The following TSPAN16 variants were observed in gnomAD, a reference collection of about 807,000 sequenced individuals.
TSPAN16 encodes tetraspanin 16.
In TSPAN16, 23 loss-of-function variants were observed where a neutral mutation model predicts 25.2. That is an observed-to-expected ratio of 0.91 (90% CI 0.66 to 1.29). The LOEUF (loss-of-function observed/expected upper bound fraction) is 1.29. Among genes scored for constraint, TSPAN16 ranks in the 50% most tolerant of loss-of-function variants. TSPAN16 has a pLI of 0.00. For synonymous variants in TSPAN16, 123 were observed against 124.4 expected (o/e 0.99, Z 0.08); for missense variants, 272 against 299.9 (o/e 0.91, Z 0.69).
rs750926392 is a variant in TSPAN16 at position 11,296,278 on chromosome 19, G to A, written c.-20G>A. On this transcript the variant is annotated 5_prime_UTR_variant, in exon 1 of 7. Transcript: ENST00000590327. ...GGAAGATGTTAACTTAAATGTTCAG[G>A]GTGCCCCAGTCTGTTCAGCATGGCT... is the stretch of plus-strand genomic sequence containing the variant. 3 of 1,612,486 alleles carry A rather than the reference G, an allele frequency of 1.9e-6. No individual in the cohort carries two copies. The highest frequency in any genetic ancestry group is 2.7e-5 in the African/African-American group (2 of 74,842).
intron 6 of TSPAN16, among the ~76,000 whole-genome samples, chr19:11,315,208 C>A (rs1019061713): frequency 6.8e-6 from 1 of 146,784 alleles, no homozygotes. Context: ...AGCACTCCAA[C>A]CTGGGCAACA....
At chr19:11,323,410 G>C (rs889681202) in intron 6 of TSPAN16, 1 of 152,032 alleles carries the variant, frequency 6.6e-6, no homozygotes, top group Non-Finnish European at 1.5e-5. Context: ...CACCAACATG[G>C]TGAAACCCCT....
downstream of TSPAN16, among the ~76,000 whole-genome samples, chr19:11,319,999 C>T (rs1271618608): frequency 1.2e-3 from 188 of 151,230 alleles, 2 homozygotes; most frequent in Non-Finnish European, 3.0e-5. Context: ...GTTGTATTTT[C>T]AGTGGAGACG....
intron 4 of TSPAN16, among the ~76,000 whole-genome samples, chr19:11,306,307 C>G (rs2080625688): frequency 6.6e-6 from 1 of 151,938 alleles, no homozygotes; most frequent in Non-Finnish European, 1.5e-5. Context: ...GATCCTCTAG[C>G]CTGAGCCTCC....
intron 6 of TSPAN16, among the ~76,000 whole-genome samples, chr19:11,315,070 T>C (rs895558248): frequency 6.6e-6 from 1 of 150,770 alleles, no homozygotes; most frequent in Non-Finnish European, 1.5e-5. Context: ...ACCCCATCTC[T>C]ACTAAAAATA....
chr19:11,318,273 C>A (rs1475048875), downstream of TSPAN16, among the ~76,000 whole-genome samples: 2 of 152,106 alleles, frequency 1.3e-5, no homozygotes, highest in Non-Finnish European at 1.5e-5. Flanking sequence ...GATCCGCCCC[C>A]CTAGGCCTCC....
downstream of TSPAN16, among the ~76,000 whole-genome samples, chr19:11,316,331 G>C (rs1046373715): frequency 1.3e-5 from 2 of 151,948 alleles, no homozygotes; most frequent in African/African-American, 4.8e-5. Flanking sequence ...TGTTGGCCAG[G>C]CTGGTCTTGA....
intron 6 of TSPAN16, among the ~76,000 whole-genome samples, chr19:11,326,208 C>T (rs970930906): frequency 6.8e-6 from 1 of 147,974 alleles, no homozygotes; most frequent in African/African-American, 2.6e-5. Flanking sequence ...GGCAACAGAG[C>T]GAGATTCTAT....
downstream of TSPAN16, chr19:11,316,086 G>GGTGTGTGTGTGTGTGTGT (rs147500274): frequency 1.7e-3 from 433 of 257,570 alleles, 7 homozygotes; most frequent in African/African-American, 0.012. Context: ...AATTATTCTT[G>GGTGTGTGTGTGTGTGTGT]GTGTGTGTGT....
intron 4 of TSPAN16, among the ~76,000 whole-genome samples, chr19:11,306,287 G>A (rs891600547): frequency 4.6e-5 from 7 of 151,908 alleles, no homozygotes; most frequent in African/African-American, 1.5e-4. Flanking sequence ...TTGATCTCCC[G>A]GGCTCAAGAG....
chr19:11,298,104 CAG>C (rs777197441), intron 1 of TSPAN16, 36 bp from the exon 2 acceptor site: 2 of 1,601,978 alleles, frequency 1.2e-6, no homozygotes, highest in South Asian at 1.1e-5. Flanking sequence ...ATACAACTAA[CAG>C]ATTACTTTTC....
chr19:11,299,058 T>TC, intron 3 of TSPAN16, 112 bp downstream of exon 3: 2 of 1,017,752 alleles, frequency 2.0e-6, no homozygotes, highest in Non-Finnish European at 3.0e-6. Context: ...GTCTGGTGGA[T>TC]CACCTGAGGT....
chr19:11,310,437 C>T (rs1568292788), intron 5 of TSPAN16, among the ~76,000 whole-genome samples: 1 of 151,570 alleles, frequency 6.6e-6, no homozygotes, highest in Non-Finnish European at 1.5e-5. Context: ...ATTGCTTGAA[C>T]CCGGGAGGCG....
rs1201526642 is a variant in TSPAN16 at position 11,303,508 on chromosome 19, AC to A, written c.450+2203del. ...ACCTTCCCTCCACTATTGTCCTATG[AC>A]CCTGCCAAATCCCCCTCTGTGAGAA... On this transcript the variant is annotated intron_variant, in intron 4 of 6. Coordinates refer to ENST00000590327, the MANE Select transcript of TSPAN16 (RefSeq NM_001282509.2). Among the ~76,000 whole-genome samples, 597 of 134,814 alleles carry A rather than the reference AC, an allele frequency of 4.4e-3. 12 individuals carry two copies. The highest frequency in any genetic ancestry group is 0.024 in the Admixed American group (308 of 12,724). 88.4% of individuals were successfully genotyped at this position (134,814 alleles called of 152,430 possible). A position where few individuals can be genotyped will look rare whatever the true frequency, so the allele number is the denominator to read the frequency against.
At chr19:11,297,214 G>A (rs1380070033) in intron 1 of TSPAN16, among the ~76,000 whole-genome samples, 1 of 152,092 alleles carries the variant, frequency 6.6e-6, no homozygotes, top group Non-Finnish European at 1.5e-5. Flanking sequence ...TGTAATCCCA[G>A]CACTTTGGGA....
intron 4 of TSPAN16, among the ~76,000 whole-genome samples, chr19:11,305,381 T>G (rs1358043057): frequency 6.6e-6 from 1 of 151,496 alleles, no homozygotes; most frequent in Non-Finnish European, 1.5e-5. Flanking sequence ...AATACAAAAA[T>G]TAGCCGGGCA....
chr19:11,312,087 A>G (rs1417323887), intron 5 of TSPAN16, 52 bp from the exon 6 acceptor site: 2 of 1,412,274 alleles, frequency 1.4e-6, no homozygotes, highest in Non-Finnish European at 2.0e-6. Flanking sequence ...GGGGACTTGC[A>G]ATCCATAAGC....
chr19:11,325,349 A>C (rs557052434), intron 6 of TSPAN16: 1 of 1,196,756 alleles, frequency 8.4e-7, no homozygotes, highest in African/African-American at 1.7e-5. Context: ...CCTCGATCAC[A>C]GTCCCTGCCG....
chr19:11,314,045 T>C (rs752684099), intron 6 of TSPAN16, among the ~76,000 whole-genome samples: 2 of 152,184 alleles, frequency 1.3e-5, no homozygotes, highest in Non-Finnish European at 2.9e-5. Flanking sequence ...TGATATATGC[T>C]ACAACGTGGA....
Sources: allele counts gnomAD v4.1 joint callset (sites outside exome capture counted in the v4.1 genomes callset), GRCh38; gene constraint gnomAD v4.1.1; transcripts MANE v1.5; gene names NCBI Gene and HGNC (gene_info 2026-07-23, HGNC 2026-07-21).